Variants in MAEL observed in about 807,000 individuals in gnomAD.
The protein encoded by MAEL is protein maelstrom homolog.
A neutral mutation model predicts 62.0 loss-of-function variants in MAEL; 46 were observed. The ratio of observed to expected loss-of-function variants is 0.74; its 90% CI spans 0.59 to 0.95. The LOEUF is 0.95. MAEL is among the 40% of genes least tolerant of loss of function. MAEL has a pLI of 0.00. For missense variants in MAEL, 497 were observed against 526.8 expected (o/e 0.94, Z 0.55); for synonymous variants, 172 against 175.5 (o/e 0.98, Z 0.16).
chr1:167,008,281 T>C (rs1276325689), intron 8 of MAEL, among the ~76,000 whole-genome samples: 1 of 152,156 alleles, frequency 6.6e-6, no homozygotes, highest in Non-Finnish European at 1.5e-5. Flanking sequence ...AGTTCCTTGA[T>C]AACTTTTTCT....
At chr1:167,002,065 GCCA>G (rs759625578) in intron 5 of MAEL, among the ~76,000 whole-genome samples, 2 of 152,242 alleles carry the variant, frequency 1.3e-5, no homozygotes, top group East Asian at 3.8e-4. Flanking sequence ...ACAGGCGTGA[GCCA>G]CTGTGCCGGC....
At chr1:167,009,259 C>T (rs1012776908) in intron 8 of MAEL, among the ~76,000 whole-genome samples, 1 of 152,116 alleles carries the variant, frequency 6.6e-6, no homozygotes, top group Non-Finnish European at 1.5e-5. Context: ...TGATCAGGGG[C>T]TCATGGAAGA....
chr1:166,999,009 C>G (rs1664548686), intron 5 of MAEL, among the ~76,000 whole-genome samples: 1 of 151,990 alleles, frequency 6.6e-6, no homozygotes, highest in African/African-American at 2.4e-5. Flanking sequence ...TCTGACTGCT[C>G]CCCTGACTGG....
Position 167,005,383 on chromosome 1 carries a change from T to C in MAEL, c.831T>C (p.Tyr277=), listed in dbSNP as rs771429614. 2.5e-6 allele frequency: 4 copies of C among 1,608,472 alleles called. No homozygotes were observed. In the South Asian group the frequency reaches 4.5e-5, roughly 18 times the overall value. The change falls in exon 8 of 12, where the codon TAT becomes TAC. Residue 277 remains tyrosine (Y), a synonymous_variant. Coordinates refer to ENST00000367872, the MANE Select transcript of MAEL (RefSeq NM_032858.3). ...TCCTAGATGTGGCCATGTGGGATTA[T>C]TCTAGCAACACAAGGTATTGCTAGC... is the stretch of plus-strand genomic sequence containing the variant. The part of the protein sequence containing the change: ...RSLLDVAMWD[Y]SSNTRCKWHE...
chr1:166,993,888 C>T, intron 4 of MAEL, 140 bp from the exon 5 acceptor site: 1 of 617,198 alleles, frequency 1.6e-6, no homozygotes, highest in South Asian at 2.4e-5. Flanking sequence ...AAAATAAACC[C>T]TATAAAAGTT....
chr1:166,976,824 C>T (rs1009347624), intron 1 of MAEL, among the ~76,000 whole-genome samples: 1 of 152,140 alleles, frequency 6.6e-6, no homozygotes, highest in African/African-American at 2.4e-5. Flanking sequence ...GAAGAATAGA[C>T]CCTGGGCAGC....
chr1:166,990,007 T>C (rs1251638713), intron 2 of MAEL, 178 bp downstream of exon 2: 10 of 596,532 alleles, frequency 1.7e-5, no homozygotes, highest in Non-Finnish European at 3.0e-5. Context: ...ACCAACAGCC[T>C]CCACAACTAG....
intron 8 of MAEL, 142 bp downstream of exon 8, chr1:167,005,539 A>T: frequency 1.4e-6 from 1 of 702,040 alleles, no homozygotes; most frequent in South Asian, 2.3e-5. Flanking sequence ...ATAAAATTTC[A>T]TTGATAGTAA....
chr1:166,979,561 T>C (rs1378801142), intron 1 of MAEL, among the ~76,000 whole-genome samples: 1 of 152,254 alleles, frequency 6.6e-6, no homozygotes, highest in African/African-American at 2.4e-5. Context: ...AAATGCATTA[T>C]GCCAAAACAA....
At chr1:166,994,109 C>A in intron 5 of MAEL, 40 bp downstream of exon 5, 1 of 1,527,968 alleles carries the variant, frequency 6.5e-7, no homozygotes, top group Non-Finnish European at 9.0e-7. Flanking sequence ...TGACTTGAAT[C>A]TATTCATACC....
At chr1:166,987,913 C>G (rs967838083), upstream of MAEL, among the ~76,000 whole-genome samples, 1 of 152,086 alleles carries the variant, frequency 6.6e-6, no homozygotes, top group South Asian at 2.1e-4. Context: ...ACCACAAAAT[C>G]TATACAGTTC....
intron 5 of MAEL, among the ~76,000 whole-genome samples, chr1:167,003,835 A>C (rs1415841356): frequency 2.6e-5 from 4 of 152,176 alleles, no homozygotes; most frequent in Non-Finnish European, 5.9e-5. Context: ...ACTAATACAA[A>C]ATTTATGAAA....
chr1:166,996,414 C>T (rs1664428815), intron 5 of MAEL, among the ~76,000 whole-genome samples: 1 of 152,164 alleles, frequency 6.6e-6, no homozygotes, highest in Non-Finnish European at 1.5e-5. Context: ...AATGATTTTT[C>T]TTGAGAGAAA....
chr1:167,016,877 G>A (rs1665415986), intron 9 of MAEL, among the ~76,000 whole-genome samples: 1 of 152,050 alleles, frequency 6.6e-6, no homozygotes, highest in Admixed American at 6.6e-5. Context: ...AAATAAGCCA[G>A]GCACAGGAAA....
intron 1 of MAEL, among the ~76,000 whole-genome samples, chr1:166,976,695 C>A (rs1407764474): frequency 6.6e-6 from 1 of 152,182 alleles, no homozygotes; most frequent in African/African-American, 2.4e-5. Flanking sequence ...TCTCAAGTAG[C>A]ATCTGAAAAC....
chr1:167,005,357 C>A lies in MAEL; in HGVS notation c.805C>A (p.Leu269Ile). 1 of 1,613,312 alleles carries A rather than the reference C, an allele frequency of 6.2e-7. No individual in the cohort carries two copies. Among genetic ancestry groups the A allele is most frequent in the South Asian group, 1.1e-5 (1 of 90,956 alleles). Residue 269 changes from leucine (L) to isoleucine (I), a missense_variant, in exon 8 of 12, where the codon CTC (leucine) becomes ATC (isoleucine). Transcript: ENST00000367872. ...GCCCTCTAAGACTTGGATTCGAAGC[C>A]TCCTAGATGTGGCCATGTGGGATTA... ...KEPSKTWIRS[L>I]LDVAMWDYSS...
upstream of MAEL, among the ~76,000 whole-genome samples, chr1:166,986,414 G>C (rs765253186): frequency 2.6e-4 from 39 of 152,192 alleles, no homozygotes; most frequent in Non-Finnish European, 5.0e-4. Flanking sequence ...GGAGACAGAA[G>C]TGGGACGGTG....
At chr1:166,991,697 A>G (rs1364143848) in intron 3 of MAEL, among the ~76,000 whole-genome samples, 4 of 152,052 alleles carry the variant, frequency 2.6e-5, no homozygotes, top group African/African-American at 7.2e-5. Context: ...CTCTGTTTCT[A>G]CCACTTTATA....
At chr1:166,998,952 C>T (rs1272695318) in intron 5 of MAEL, among the ~76,000 whole-genome samples, 1 of 152,126 alleles carries the variant, frequency 6.6e-6, no homozygotes, top group Non-Finnish European at 1.5e-5. Context: ...TGTCATGAAC[C>T]ATGCCCATAT....
Sources: allele counts gnomAD v4.1 joint callset (sites outside exome capture counted in the v4.1 genomes callset), GRCh38; gene constraint gnomAD v4.1.1; transcripts MANE v1.5; gene names NCBI Gene and HGNC (gene_info 2026-07-23, HGNC 2026-07-21).